Variants in PPP1R36 observed in about 807,000 individuals in gnomAD.
The protein encoded by PPP1R36 is protein phosphatase 1 regulatory subunit 36, also known as chromosome 14 open reading frame 50.
PPP1R36 carries 47 observed loss-of-function variants against 53.4 expected under a neutral mutation model. The observed-to-expected ratio is 0.88, with a 90% CI of 0.70 to 1.12. The LOEUF (loss-of-function observed/expected upper bound fraction) is 1.12, where lower values mean the gene tolerates loss of function less well. Among genes scored for constraint, PPP1R36 ranks in the 50% most tolerant of loss-of-function variants. The pLI is 0.00. For missense variants in PPP1R36, 456 were observed against 513.9 expected, an observed-to-expected ratio of 0.89 and a Z score of 1.09; for synonymous variants, 153 against 170.5, an observed-to-expected ratio of 0.90 and a Z score of 0.80.
intron 3 of PPP1R36, among the ~76,000 whole-genome samples, chr14:64,554,751 C>A (rs2080133832): frequency 6.6e-6 from 1 of 152,026 alleles, no homozygotes. Flanking sequence ...AATTATGCAG[C>A]AATCCAAGAG....
intron 10 of PPP1R36, among the ~76,000 whole-genome samples, chr14:64,587,636 A>G (rs753140681): frequency 2.7e-5 from 4 of 150,556 alleles, no homozygotes; most frequent in Admixed American, 2.6e-4. Flanking sequence ...AATTTTTTGT[A>G]TTTTTAGTAG....
At chr14:64,578,417 A>G (rs1460412461) in intron 8 of PPP1R36, among the ~76,000 whole-genome samples, 1 of 152,216 alleles carries the variant, frequency 6.6e-6, no homozygotes, top group East Asian at 1.9e-4. Flanking sequence ...AAGAGAGTAG[A>G]CTAGAACTTT....
intron 8 of PPP1R36, among the ~76,000 whole-genome samples, chr14:64,576,508 CAG>C (rs1214612572): frequency 6.6e-6 from 1 of 152,194 alleles, no homozygotes; most frequent in African/African-American, 2.4e-5. Context: ...AGTTAAAAAA[CAG>C]ATATACATAT....
chr14:64,586,794 G>A, intron 8 of PPP1R36, 43 bp from the exon 9 acceptor site: 1 of 1,427,780 alleles, frequency 7.0e-7, no homozygotes, highest in Non-Finnish European at 9.8e-7. Context: ...CTGAAAGATT[G>A]AACTTCCCTC....
At chr14:64,588,343 A>G (rs2080453942) in intron 11 of PPP1R36, 48 bp downstream of exon 11, 14 of 1,532,924 alleles carry the variant, frequency 9.1e-6, no homozygotes, top group Non-Finnish European at 1.2e-5. Context: ...GTGGCATCCC[A>G]GGTGGGGCTG....
chr14:64,561,104 G>C (rs975078905), intron 3 of PPP1R36, among the ~76,000 whole-genome samples: 1 of 152,120 alleles, frequency 6.6e-6, no homozygotes, highest in African/African-American at 2.4e-5. Flanking sequence ...GATCTCAGGG[G>C]CATCAAGTTT....
intron 3 of PPP1R36, among the ~76,000 whole-genome samples, chr14:64,563,858 G>C (rs1596731206): frequency 6.6e-6 from 1 of 152,274 alleles, no homozygotes; most frequent in East Asian, 1.9e-4. Flanking sequence ...AGACACCACA[G>C]TTCTCCCAGA....
intron 3 of PPP1R36, among the ~76,000 whole-genome samples, chr14:64,562,960 G>A (rs922954402): frequency 6.6e-5 from 10 of 151,984 alleles, no homozygotes; most frequent in Non-Finnish European, 1.2e-4. Flanking sequence ...TCCGCCTCCC[G>A]GGTTCAAGCA....
At chr14:64,551,275 CTT>C (rs1025831794) in intron 2 of PPP1R36, among the ~76,000 whole-genome samples, 3 of 152,194 alleles carry the variant, frequency 2.0e-5, no homozygotes, top group African/African-American at 7.2e-5. Context: ...AATTAAGTGA[CTT>C]AGCCCAATCA....
At chr14:64,554,142 GTTTTTTTTTTTTTTTT>G (rs367753961) in intron 3 of PPP1R36, among the ~76,000 whole-genome samples, 1 of 65,260 alleles carries the variant, frequency 1.5e-5, no homozygotes, top group Non-Finnish European at 3.1e-5. Flanking sequence ...CATCACAATT[GTTTTTTTTTTTTTTTT>G]TTTTTTTTTT....
At chr14:64,573,069 C>T (rs2080315455) in intron 7 of PPP1R36, among the ~76,000 whole-genome samples, 1 of 152,154 alleles carries the variant, frequency 6.6e-6, no homozygotes, top group African/African-American at 2.4e-5. Context: ...AAGGGGCAGT[C>T]ATTTGTCCCT....
chr14:64,575,902 G>A (rs997636936), intron 8 of PPP1R36, among the ~76,000 whole-genome samples: 4 of 151,770 alleles, frequency 2.6e-5, no homozygotes, highest in Non-Finnish European at 2.9e-5. Context: ...CACCCGCCTC[G>A]GCCTCCCAAA....
chr14:64,586,490 T>C (rs1432101864), intron 8 of PPP1R36: 7 of 194,540 alleles, frequency 3.6e-5, no homozygotes, highest in Admixed American at 1.8e-4. Flanking sequence ...ATTGCAGACT[T>C]ACCCTCTAGT....
Position 64,565,343 on chromosome 14 carries a change from A to G in PPP1R36, c.270-14A>G. The G allele has an allele frequency of 6.3e-7, 1 of 1,582,528 alleles. No individual in the cohort carries two copies. On this transcript the variant is annotated splice_polypyrimidine_tract_variant and intron_variant, in intron 4 of 11. Transcript: ENST00000298705. ...TATTAAAACACTACTAGAAACTGTTATATTCCAAAACAGGTTGACAGATAA... is the reference window on the plus strand; with the variant it reads ...TATTAAAACACTACTAGAAACTGTTGTATTCCAAAACAGGTTGACAGATAA...
At chr14:64,553,850 C>T (rs1051200188) in intron 3 of PPP1R36, among the ~76,000 whole-genome samples, 3 of 149,432 alleles carry the variant, frequency 2.0e-5, no homozygotes, top group Non-Finnish European at 4.4e-5. Flanking sequence ...AACAACAACT[C>T]CAAACCCCGG....
chr14:64,589,163 T>C lies in PPP1R36; in HGVS notation c.1094T>C (p.Leu365Ser), dbSNP rs200070762. 14 of 1,611,526 alleles carry C rather than the reference T, an allele frequency of 8.7e-6. No individual in the cohort carries two copies. The highest frequency in any genetic ancestry group is 1.7e-4 in the Middle Eastern group (1 of 6,042). Residue 365 changes from leucine to serine, a missense_variant, in exon 12 of 12, where the codon TTG becomes TCG. Transcript: ENST00000298705. ...AATTCTTTTCACAGAGTTGGCATCT[T>C]GGGGGAGCCTCGATGTCTATTCAAC... ...DSVPMPVVGI[L>S]GEPRCLFNPH...
chr14:64,556,259 C>T (rs1215653980), intron 3 of PPP1R36, among the ~76,000 whole-genome samples: 6 of 151,628 alleles, frequency 4.0e-5, no homozygotes, highest in African/African-American at 1.2e-4. Flanking sequence ...GATGCCACCG[C>T]GTCTGGCTAA....
chr14:64,556,788 G>GTGTGTGTGTGTA (rs1213707731), intron 3 of PPP1R36, among the ~76,000 whole-genome samples: 1 of 150,698 alleles, frequency 6.6e-6, no homozygotes, highest in Non-Finnish European at 1.5e-5. Context: ...GTGTGTGTGT[G>GTGTGTGTGTGTA]TGTGTGTAAA....
At chr14:64,574,339 A>G in intron 7 of PPP1R36, 116 bp from the exon 8 acceptor site, 2 of 1,062,618 alleles carry the variant, frequency 1.9e-6, no homozygotes, top group Non-Finnish European at 2.7e-6. Context: ...TAGGTAGCAG[A>G]GCAAGACTCT....
Sources: allele counts gnomAD v4.1 joint callset (sites outside exome capture counted in the v4.1 genomes callset), GRCh38; gene constraint gnomAD v4.1.1; transcripts MANE v1.5; gene names NCBI Gene and HGNC (gene_info 2026-07-23, HGNC 2026-07-21).